The following FXR2 variants were observed in gnomAD, a reference collection of about 807,000 sequenced individuals.
FXR2 encodes RNA-binding protein FXR2.
FXR2 carries 9 observed loss-of-function variants against 87.3 expected under a neutral mutation model. That is an observed-to-expected ratio of 0.10 (90% confidence interval 0.06 to 0.18). FXR2 has a LOEUF of 0.18. Ranked by LOEUF, FXR2 falls within the 10% of genes least tolerant of loss-of-function variation. The probability of loss-of-function intolerance (pLI) is 1.00; values close to 1 mark genes in which losing one functional copy is unlikely to be tolerated. For missense variants in FXR2, 661 were observed against 893.6 expected (o/e 0.74, Z 3.32); for synonymous variants, 331 against 328.3 (o/e 1.01, Z -0.09).
intron 1 of FXR2, among the ~76,000 whole-genome samples, chr17:7,610,045 TATACAC>T (rs1464658775): frequency 2.4e-5 from 2 of 82,148 alleles, no homozygotes; most frequent in South Asian, 6.5e-4. Flanking sequence ...TATGTATATA[TATACAC>T]ACACACACAC....
Position 7,593,536 on chromosome 17 carries a change from C to T in FXR2, c.1197G>A (p.Arg399=), listed in dbSNP as rs764872307. ...GLGFRPPGSG[R]GSGGSDKAGY... ...CAGCCTTGTCGCTGCCACCGCTGCCCCGCCCACTCCCAGGAGGGCGAAAGC... is the reference window on the plus strand; with the variant it reads ...CAGCCTTGTCGCTGCCACCGCTGCCTCGCCCACTCCCAGGAGGGCGAAAGC... Residue 399 remains arginine (R), a synonymous_variant, in exon 12 of 17, where the codon CGG becomes CGA. Coordinates refer to ENST00000250113, the MANE Select transcript of FXR2 (RefSeq NM_004860.4). This position sits in a 1 kb window ranked among gnomAD's most constrained non-coding sequence, Gnocchi z 6.1. 6.3e-7 allele frequency: 1 copy of T among 1,593,314 alleles called. No individual in the cohort carries two copies. Among genetic ancestry groups the T allele is most frequent in the Non-Finnish European group, 8.5e-7 (1 of 1,171,608 alleles).
At chr17:7,598,652 C>T (rs947122585) in intron 7 of FXR2, among the ~76,000 whole-genome samples, 11 of 152,160 alleles carry the variant, frequency 7.2e-5, no homozygotes, top group Non-Finnish European at 1.3e-4. Flanking sequence ...GAGCTGAGAT[C>T]GCACTACTGC....
In FXR2 at chr17:7,593,736, AGAAG is replaced by A; in HGVS notation, c.1108-115_1108-112del. On this transcript the variant is annotated intron_variant, in intron 11 of 16. Transcript: ENST00000250113. This position sits in a 1 kb window ranked among gnomAD's most constrained non-coding sequence, Gnocchi z 6.1. ...TATCTAACCTCTCAGGAATGCAGGG[AGAAG>A]GAAGACACTGGCTAAACAAGGAAAA... 3.5e-6 allele frequency: 3 copies of A among 867,984 alleles called. No individual in the cohort carries two copies. Among genetic ancestry groups the A allele is most frequent in the Non-Finnish European group, 5.5e-6 (3 of 544,964 alleles). 53.8% of individuals were successfully genotyped at this position (867,984 alleles called of 1,614,324 possible).
rs1398709748 is a variant in FXR2 at position 7,595,688 on chromosome 17, T to G, written c.831+136A>C. 3 of 645,534 alleles carry G rather than the reference T, an allele frequency of 4.6e-6. No individual in the cohort carries two copies. The highest frequency in any genetic ancestry group is 3.9e-5 in the South Asian group (2 of 50,844). The allele number at this position is 645,534 out of a possible 1,614,324, so 40.0% of individuals were successfully genotyped here. On this transcript the variant is annotated intron_variant, in intron 8 of 16. Transcript: ENST00000250113. This position sits in a 1 kb window ranked among gnomAD's most constrained non-coding sequence, Gnocchi z 4.7. The stretch of plus-strand genomic sequence containing the variant: ...GTCTCAAACTCCTAGGCTCAAGTGA[T>G]CCTCTCACTTTGACCTCCGAAGGTG...
rs1471471605 is a variant in FXR2 at position 7,606,153 on chromosome 17, G to A, written c.82-4C>T. 3.2e-6 allele frequency: 5 copies of A among 1,539,208 alleles called. No homozygotes were observed. The African/African-American group carries it at 6.9e-5, about 21-fold the overall frequency. ...CATGGACATCCTTCACAAAGCCCTA[G>A]AATGGATTTTAGAAAAAAGCAAAAA... On this transcript the variant is annotated splice_polypyrimidine_tract_variant and splice_region_variant and intron_variant, in intron 1 of 16. Coordinates refer to ENST00000250113, the MANE Select transcript of FXR2 (RefSeq NM_004860.4).
Position 7,593,175 on chromosome 17 carries a change from C to T in FXR2, c.1337G>A (p.Ser446Asn). Residue 446 changes from serine to asparagine, a missense_variant, in exon 13 of 17, where the codon AGC becomes AAC. Around this residue, in one of 3 missense-constraint regions of FXR2, gnomAD observed 409 missense variants for 432.0 expected, o/e 0.95. Transcript: ENST00000250113. This position sits in a 1 kb window ranked among gnomAD's most constrained non-coding sequence, Gnocchi z 6.1. ...RRTGGPAYGP[S>N]SDVSTASETE... ...CTCTGAAGCTGTAGACACATCTGAG[C>T]TGGGGCCTGAAGAACACAATGGGAT... 3 of 1,520,366 alleles carry T rather than the reference C, an allele frequency of 2.0e-6. No individual in the cohort carries two copies. The highest frequency in any genetic ancestry group is 2.6e-6 in the Non-Finnish European group (3 of 1,135,656). 94.2% of individuals were successfully genotyped at this position (1,520,366 alleles called of 1,614,324 possible).
chr17:7,602,835 T>C (rs998232809), intron 6 of FXR2, 74 bp downstream of exon 6: 5 of 749,744 alleles, frequency 6.7e-6, no homozygotes, highest in Non-Finnish European at 1.2e-5. Flanking sequence ...CTTCTCTTTC[T>C]GCAAAAGGGT....
In FXR2 at chr17:7,595,944, C is replaced by T. The variant is rs768336218; in HGVS notation, c.711G>A (p.Glu237=). The T allele has an allele frequency of 6.2e-7, 1 of 1,613,710 alleles. No individual in the cohort carries two copies. Among genetic ancestry groups the T allele is most frequent in the Non-Finnish European group, 8.5e-7 (1 of 1,179,674 alleles). The part of the protein sequence containing the change: ...AAFQEEFTVR[E]DLMGLAIGTH... Reference sequence around the variant, plus strand: ...TCCCAATTGCCAGTCCCATCAGGTCCTCTCGCACTGTGAACTCCTCTTGGA... The same window carrying T: ...TCCCAATTGCCAGTCCCATCAGGTCTTCTCGCACTGTGAACTCCTCTTGGA... The change falls in exon 8 of 17, where the codon GAG becomes GAA. Residue 237 remains glutamate, a synonymous_variant. Coordinates refer to ENST00000250113, the MANE Select transcript of FXR2 (RefSeq NM_004860.4). This position sits in a 1 kb window ranked among gnomAD's most constrained non-coding sequence, Gnocchi z 4.7.
In FXR2 at chr17:7,592,004, C is replaced by G. The variant is rs192907933; in HGVS notation, c.1927-79G>C. ...TCAGGTGGGAGACATTCCCTACCAT[C>G]CAAGCCCTCCTGGCATTTGGTGATC... On this transcript the variant is annotated intron_variant, in intron 16 of 16. Coordinates refer to ENST00000250113, the MANE Select transcript of FXR2 (RefSeq NM_004860.4). This position sits in a 1 kb window ranked among gnomAD's most constrained non-coding sequence, Gnocchi z 4.8. The G allele has an allele frequency of 1.2e-5, 14 of 1,194,662 alleles. No individual in the cohort carries two copies. Among genetic ancestry groups the G allele is most frequent in the Middle Eastern group, 2.0e-4 (1 of 5,128 alleles). 74.0% of individuals were successfully genotyped at this position (1,194,662 alleles called of 1,614,324 possible). A position where few individuals can be genotyped will look rare whatever the true frequency, so the allele number is the denominator to read the frequency against.
chr17:7,609,980 A>ATGTATG (rs369176442), intron 1 of FXR2, among the ~76,000 whole-genome samples: 8,345 of 60,686 alleles, frequency 0.14, 542 homozygotes, highest in Middle Eastern at 0.35. Flanking sequence ...ATATGTATAC[A>ATGTATG]TATATATATA....
In FXR2 at chr17:7,591,875, G is replaced by A. The variant is rs759360338; in HGVS notation, c.1977C>T (p.Leu659=). Residue 659 remains leucine (L), a synonymous_variant, in exon 17 of 17, where the codon CTC becomes CTT. Coordinates refer to ENST00000250113, the MANE Select transcript of FXR2 (RefSeq NM_004860.4). The surrounding 1 kb of genome is among the most constrained non-coding windows in gnomAD (Gnocchi z 4.0). ...TACTACCCAACTCCAAGGGGGCGGA[G>A]AGCTCCCCATTCTCCGAGGGGCCCT... The part of the protein sequence containing the change: ...LPKGPSENGE[L]SAPLELGSMV... 14 of 1,606,974 alleles carry A rather than the reference G, an allele frequency of 8.7e-6. No homozygotes were observed. The South Asian group carries it at 1.3e-4, about 15-fold the overall frequency.
rs1368336923 is a variant in FXR2, at chr17:7,592,005, CA to C, written c.1927-81del. On this transcript the variant is annotated intron_variant, in intron 16 of 16. Coordinates refer to ENST00000250113, the MANE Select transcript of FXR2 (RefSeq NM_004860.4). The surrounding 1 kb of genome is among the most constrained non-coding windows in gnomAD (Gnocchi z 4.8). ...CAGGTGGGAGACATTCCCTACCATC[CA>C]AGCCCTCCTGGCATTTGGTGATCCA... 6.7e-6 allele frequency: 8 copies of C among 1,199,052 alleles called. No homozygotes were observed. Among genetic ancestry groups the C allele is most frequent in the African/African-American group, 1.5e-5 (1 of 66,034 alleles). 74.3% of individuals were successfully genotyped at this position (1,199,052 alleles called of 1,614,324 possible). A position where few individuals can be genotyped will look rare whatever the true frequency, so the allele number is the denominator to read the frequency against.
At position 7,591,731 on chromosome 17, in the gene FXR2, T is replaced by G; in HGVS notation, c.*99A>C. 1.3e-6 allele frequency: 1 copy of G among 746,568 alleles called. No homozygotes were observed. Among genetic ancestry groups the G allele is most frequent in the Non-Finnish European group, 2.4e-6 (1 of 411,628 alleles). The allele number at this position is 746,568 out of a possible 1,614,324, so 46.2% of individuals were successfully genotyped here. On this transcript the variant is annotated 3_prime_UTR_variant, in exon 17 of 17. Transcript: ENST00000250113. This position sits in a 1 kb window ranked among gnomAD's most constrained non-coding sequence, Gnocchi z 4.0. The stretch of plus-strand genomic sequence containing the variant: ...GCTGCTGTGCCACCCCCCTCCCCCC[T>G]AGATAAGAGCAGCTCCAGCGCAGGT...
At chr17:7,605,572 T>C in intron 3 of FXR2, 73 bp downstream of exon 3, 1 of 805,082 alleles carries the variant, frequency 1.2e-6, no homozygotes. Context: ...GGAAGGAACA[T>C]GAACCAACCA....
chr17:7,594,328 G>A lies in FXR2; in HGVS notation c.930C>T (p.Asn310=), dbSNP rs1851101040. ...CCACAATCTCCTGGATCACTTTCCC[G>A]TTCTTTCCAATCACTTTGCCTGGAA... ...RNLVGKVIGK[N]GKVIQEIVDK... Residue 310 remains asparagine, a synonymous_variant, in exon 10 of 17, where the codon AAC becomes AAT. Transcript: ENST00000250113. The surrounding 1 kb of genome is among the most constrained non-coding windows in gnomAD (Gnocchi z 5.1). The A allele has an allele frequency of 6.2e-7, 1 of 1,610,456 alleles. No homozygotes were observed. The highest frequency in any genetic ancestry group is 8.5e-7 in the Non-Finnish European group (1 of 1,176,840).
At chr17:7,605,887 T>C (rs563212836) in intron 2 of FXR2, 149 bp from the exon 3 acceptor site, 19 of 652,092 alleles carry the variant, frequency 2.9e-5, no homozygotes, top group South Asian at 2.6e-4. Flanking sequence ...AGTAGTGTCT[T>C]CCATCTCTTT....
chr17:7,611,111 C>G (rs557415632), intron 1 of FXR2, among the ~76,000 whole-genome samples: 1 of 152,144 alleles, frequency 6.6e-6, no homozygotes, highest in South Asian at 2.1e-4. Context: ...GCGCCCTGGA[C>G]GGTGAATACT....
At position 7,593,911 on chromosome 17, in the gene FXR2, TG is replaced by T; in HGVS notation, c.1107+6del. On this transcript the variant is annotated splice_donor_region_variant and intron_variant, in intron 11 of 16. Coordinates refer to ENST00000250113, the MANE Select transcript of FXR2 (RefSeq NM_004860.4). This position sits in a 1 kb window ranked among gnomAD's most constrained non-coding sequence, Gnocchi z 6.1. ...CACCCAGCATTTTTCTCTCCCGGCC[TG>T]GGTACCTGCAGGTAGGAGAGGTGAT... 6.4e-7 allele frequency: 1 copy of T among 1,569,062 alleles called. No individual in the cohort carries two copies. The highest frequency in any genetic ancestry group is 8.8e-7 in the Non-Finnish European group (1 of 1,139,032).
chr17:7,595,780 C>T lies in FXR2; in HGVS notation c.831+44G>A. 2 of 1,538,776 alleles carry T rather than the reference C, an allele frequency of 1.3e-6. No homozygotes were observed. Among genetic ancestry groups the T allele is most frequent in the Non-Finnish European group, 1.8e-6 (2 of 1,115,194 alleles). ...TATTTTCTACTTCGGCCTCTCTTCC[C>T]TCTATCCCCTAAGAGACCCAGAAGA... On this transcript the variant is annotated intron_variant, in intron 8 of 16. Transcript: ENST00000250113. This position sits in a 1 kb window ranked among gnomAD's most constrained non-coding sequence, Gnocchi z 4.7.
Sources: allele counts gnomAD v4.1 joint callset (sites outside exome capture counted in the v4.1 genomes callset), GRCh38; gene constraint gnomAD v4.1.1; regional missense constraint gnomAD v4.1.1; non-coding constraint Gnocchi (gnomAD v3.1); transcripts MANE v1.5; gene names NCBI Gene and HGNC (gene_info 2026-07-23, HGNC 2026-07-21).